The following MACROD2 variants were observed in gnomAD, a reference collection of about 807,000 sequenced individuals.
MACROD2 encodes mono-ADP ribosylhydrolase 2, also known as ADP-ribose glycohydrolase MACROD2.
MACROD2 carries 36 observed loss-of-function variants against 70.4 expected under a neutral mutation model. The observed-to-expected ratio is 0.51, with a 90% CI of 0.39 to 0.68. The LOEUF is 0.68. MACROD2 is among the 30% of genes least tolerant of loss of function. The pLI, the probability that MACROD2 is intolerant of heterozygous loss-of-function variation, is 0.00. For missense variants in MACROD2, 496 were observed against 538.4 expected, an observed-to-expected ratio of 0.92 and a Z score of 0.78; for synonymous variants, 172 against 178.8, an observed-to-expected ratio of 0.96 and a Z score of 0.30.
chr20:15,559,008 C>T (rs986056019), intron 8 of MACROD2, among the ~76,000 whole-genome samples: 16 of 151,934 alleles, frequency 1.1e-4, no homozygotes, highest in Non-Finnish European at 2.2e-4. Context: ...ACGGGCGGAT[C>T]ACGAGGTCAG....
intron 5 of MACROD2, among the ~76,000 whole-genome samples, chr20:15,188,990 C>T (rs1421286186): frequency 6.6e-6 from 1 of 152,090 alleles, no homozygotes; most frequent in African/African-American, 2.4e-5. Context: ...TGGTTTCCTG[C>T]CATTTAGCCC....
chr20:14,316,975 C>T (rs1481862193), intron 3 of MACROD2, among the ~76,000 whole-genome samples: 3 of 152,100 alleles, frequency 2.0e-5, no homozygotes, highest in South Asian at 2.1e-4. Context: ...AAAAACTGCC[C>T]GTTTTCTTTC....
At chr20:15,127,603 G>A (rs1470418684) in intron 5 of MACROD2, among the ~76,000 whole-genome samples, 6 of 152,126 alleles carry the variant, frequency 3.9e-5, no homozygotes, top group Admixed American at 2.0e-4. Flanking sequence ...TTTATAGGAG[G>A]CTTCAGTTCT....
chr20:14,359,702 C>G (rs79397326), intron 3 of MACROD2, among the ~76,000 whole-genome samples: 3,448 of 152,150 alleles, frequency 0.023, 56 homozygotes, highest in Non-Finnish European at 0.037. Context: ...TAAAACCCGT[C>G]TCTACAAACA....
chr20:14,113,914 A>G (rs1006840431), intron 3 of MACROD2, among the ~76,000 whole-genome samples: 1 of 152,170 alleles, frequency 6.6e-6, no homozygotes, highest in African/African-American at 2.4e-5. Context: ...TTATTCATTA[A>G]TATTTATAAA....
Position 15,011,917 on chromosome 20 carries a change from T to A in MACROD2, c.419-218023T>A, listed in dbSNP as rs898440319. ...GAGCGCCGTGTGCTCTTGGCACTCATGTTATGACCAGAGGACAACAGCATC... is the reference window on the plus strand; with the variant it reads ...GAGCGCCGTGTGCTCTTGGCACTCAAGTTATGACCAGAGGACAACAGCATC... On this transcript the variant is annotated intron_variant, in intron 5 of 17. Transcript: ENST00000684519. Among the ~76,000 whole-genome samples, 6 of 152,158 alleles carry A rather than the reference T, an allele frequency of 3.9e-5. No individual in the cohort carries two copies. In the South Asian group the frequency reaches 1.0e-3, roughly 26 times the overall value.
At chr20:14,821,389 A>G (rs748751382) in intron 5 of MACROD2, among the ~76,000 whole-genome samples, 1 of 152,006 alleles carries the variant, frequency 6.6e-6, no homozygotes, top group Non-Finnish European at 1.5e-5. Context: ...GGTCAGATAA[A>G]GGGGTTGGAA....
intron 4 of MACROD2, among the ~76,000 whole-genome samples, chr20:14,522,606 T>C (rs2085181414): frequency 6.6e-6 from 1 of 152,236 alleles, no homozygotes. Context: ...GTCAAATTCA[T>C]TTTCTCTCCA....
intron 3 of MACROD2, among the ~76,000 whole-genome samples, chr20:14,396,149 T>A (rs562325381): frequency 2.0e-5 from 3 of 152,328 alleles, no homozygotes; most frequent in Non-Finnish European, 2.9e-5. Context: ...TGGTCCATGG[T>A]GTTGTTTGTC....
At chr20:14,039,526 G>A (rs889467066) in intron 2 of MACROD2, among the ~76,000 whole-genome samples, 8 of 151,996 alleles carry the variant, frequency 5.3e-5, no homozygotes, top group Admixed American at 2.0e-4. Context: ...TTTACAAAAG[G>A]ATTGATTGTG....
intron 3 of MACROD2, among the ~76,000 whole-genome samples, chr20:14,423,437 C>G (rs567733883): frequency 2.6e-5 from 4 of 151,464 alleles, no homozygotes; most frequent in East Asian, 2.0e-4. Flanking sequence ...CGGTGGCTCA[C>G]GCCTGTAATC....
chr20:14,964,111 A>G (rs190532290), intron 5 of MACROD2, among the ~76,000 whole-genome samples: 2 of 152,112 alleles, frequency 1.3e-5, no homozygotes, highest in East Asian at 3.9e-4. Context: ...CAAATTTTCA[A>G]AGTAGAATGG....
At chr20:15,852,971 A>G (rs2064316689) in intron 8 of MACROD2, among the ~76,000 whole-genome samples, 1 of 152,166 alleles carries the variant, frequency 6.6e-6, no homozygotes, top group African/African-American at 2.4e-5. Flanking sequence ...TGTTTGCACC[A>G]CTGCACTCCA....
chr20:15,207,236 G>A (rs1289267071), intron 5 of MACROD2, among the ~76,000 whole-genome samples: 1 of 151,994 alleles, frequency 6.6e-6, no homozygotes. Context: ...TTCTTGTAGG[G>A]TAGGTCTGGT....
Position 14,386,848 on chromosome 20 carries a change from C to T in MACROD2, c.272-106631C>T, listed in dbSNP as rs553286028. 6.6e-5 allele frequency among the ~76,000 whole-genome samples: 10 copies of T among 152,294 alleles called. No homozygotes were observed. In the South Asian group the frequency reaches 2.1e-3, roughly 32 times the overall value. Reference sequence around the variant, plus strand: ...AATGTAGATGGCTTTTCTCTGTCTCCTTTGCTTCAAATGCAGAGAGGCAGT... The same window carrying T: ...AATGTAGATGGCTTTTCTCTGTCTCTTTTGCTTCAAATGCAGAGAGGCAGT... On this transcript the variant is annotated intron_variant, in intron 3 of 17. Transcript: ENST00000684519.
chr20:14,846,126 G>A (rs425410), intron 5 of MACROD2, among the ~76,000 whole-genome samples: 140,004 of 152,210 alleles, frequency 0.92, 64,733 homozygotes, highest in African/African-American at 0.98. Flanking sequence ...AGTATTTTTG[G>A]TGTAGTCAAG....
intron 3 of MACROD2, among the ~76,000 whole-genome samples, chr20:14,453,365 C>T (rs901955262): frequency 9.9e-5 from 15 of 152,152 alleles, no homozygotes; most frequent in African/African-American, 3.6e-4. Context: ...TAATAACCCA[C>T]AGCTTCAGAC....
At chr20:15,861,607 C>G (rs2064425062) in intron 8 of MACROD2, among the ~76,000 whole-genome samples, 1 of 152,082 alleles carries the variant, frequency 6.6e-6, no homozygotes, top group Admixed American at 6.6e-5. Flanking sequence ...GGCAGTCTAC[C>G]CTAAGTGAGG....
intron 15 of MACROD2, among the ~76,000 whole-genome samples, chr20:16,032,763 G>A (rs201381455): frequency 0.32 from 17,028 of 53,032 alleles, 1,153 homozygotes; most frequent in Non-Finnish European, 0.34. Flanking sequence ...GGAGGGAAGA[G>A]AGGAAGGAAG....
Sources: allele counts gnomAD v4.1 joint callset (sites outside exome capture counted in the v4.1 genomes callset), GRCh38; gene constraint gnomAD v4.1.1; transcripts MANE v1.5; gene names NCBI Gene and HGNC (gene_info 2026-07-23, HGNC 2026-07-21).